The following RASAL3 variants were observed in gnomAD, a reference collection of about 807,000 sequenced individuals.
RASAL3 encodes the protein RAS protein activator like-3.
RASAL3 carries 74 observed loss-of-function variants against 105.5 expected under a neutral mutation model. The ratio of observed to expected loss-of-function variants is 0.70; its 90% CI spans 0.58 to 0.85. RASAL3 has a LOEUF of 0.85. Among genes scored for constraint, RASAL3 ranks in the 40% least tolerant of loss-of-function variants. The pLI, the probability that RASAL3 is intolerant of heterozygous loss-of-function variation, is 0.00. For missense variants in RASAL3, 1,352 were observed against 1,392.0 expected (o/e 0.97, Z 0.46); for synonymous variants, 579 against 591.6 (o/e 0.98, Z 0.31).
At position 15,457,378 on chromosome 19, in the gene RASAL3, C is replaced by A. The variant is rs1453492582; in HGVS notation, c.1345G>T (p.Ala449Ser). ...TGCGCAGGCAGCGCGGGCTCCAGGG[C>A]CCCGCAGAGGCGCGCATAGTGGAAG... ...LTFHYARLCGALEPALPAQAK... is the reference protein window; with the variant it reads ...LTFHYARLCGSLEPALPAQAK... The change falls in exon 9 of 18, where the codon GCC becomes TCC. Residue 449 changes from alanine to serine, a missense_variant. Coordinates refer to ENST00000343625, the MANE Select transcript of RASAL3 (RefSeq NM_022904.3). This position sits in a 1 kb window ranked among gnomAD's most constrained non-coding sequence, Gnocchi z 8.6. The A allele has an allele frequency of 1.5e-5, 22 of 1,441,368 alleles. No individual in the cohort carries two copies. Among genetic ancestry groups the A allele is most frequent in the Admixed American group, 5.6e-5 (2 of 35,742 alleles). The allele number at this position is 1,441,368 out of a possible 1,614,324, so 89.3% of individuals were successfully genotyped here.
At position 15,454,742 on chromosome 19, in the gene RASAL3, A is replaced by C. The variant is rs1970266042; in HGVS notation, c.1873T>G (p.Leu625Val). ...CCGGGTGCTGGATGGTCTGGTGCCA[A>C]ACCAAAGAGGCTGGGTGCCAGGATG... is the stretch of plus-strand genomic sequence containing the variant. The part of the protein sequence containing the change: ...PAILAPSLFG[L>V]APDHPAPGPA... Residue 625 changes from leucine to valine, a missense_variant, in exon 12 of 18, where the codon TTG becomes GTG. Physicochemically the swap from Leu to Val is conservative, Grantham distance 32. Transcript: ENST00000343625. The C allele has an allele frequency of 3.7e-6, 6 of 1,609,160 alleles. No homozygotes were observed. The highest frequency in any genetic ancestry group is 5.1e-6 in the Non-Finnish European group (6 of 1,177,858).
In RASAL3 at chr19:15,461,522, C is replaced by A; in HGVS notation, c.414G>T (p.Gly138=). The change falls in exon 3 of 18, where the codon GGG becomes GGT. Residue 138 remains glycine (G), a synonymous_variant. Coordinates refer to ENST00000343625, the MANE Select transcript of RASAL3 (RefSeq NM_022904.3). Reference sequence around the variant, plus strand: ...GCTTCCCATCAAGCAGGGTGAAGCCCCCAATGTCCCAGACAGGCACGTTGG... The same window carrying A: ...GCTTCCCATCAAGCAGGGTGAAGCCACCAATGTCCCAGACAGGCACGTTGG... The part of the protein sequence containing the change: ...PTPNVPVWDI[G]GFTLLDGKLV... 6.5e-7 allele frequency: 1 copy of A among 1,543,422 alleles called. No individual in the cohort carries two copies. The highest frequency in any genetic ancestry group is 2.4e-5 in the East Asian group (1 of 41,246).
intron 16 of RASAL3, chr19:15,452,442 G>C (rs562302609): frequency 1.3e-4 from 77 of 596,846 alleles, no homozygotes; most frequent in African/African-American, 1.3e-3. Context: ...GCCTGGATGA[G>C]AGAATCTGCC....
At chr19:15,459,544 C>T (rs1970444264) in intron 6 of RASAL3, among the ~76,000 whole-genome samples, 1 of 151,830 alleles carries the variant, frequency 6.6e-6, no homozygotes, top group East Asian at 1.9e-4. Flanking sequence ...GCACCCAGCC[C>T]TATTTATTTT....
chr19:15,463,793 GT>G (rs529372033), intron 2 of RASAL3, among the ~76,000 whole-genome samples: 173 of 152,238 alleles, frequency 1.1e-3, no homozygotes, highest in Middle Eastern at 3.4e-3. Flanking sequence ...ACTATCACGG[GT>G]TTACATTCAC....
chr19:15,452,223 C>A, intron 16 of RASAL3, 115 bp from the exon 17 acceptor site: 2 of 1,008,346 alleles, frequency 2.0e-6, no homozygotes, highest in Non-Finnish European at 1.6e-6. Context: ...CGGAGCTTGT[C>A]CAGACTGAGG....
intron 8 of RASAL3, 174 bp downstream of exon 8, chr19:15,458,154 T>C (rs1408008039): frequency 1.5e-6 from 1 of 665,464 alleles, no homozygotes; most frequent in Non-Finnish European, 2.6e-6. Context: ...GGGTCTGATA[T>C]TCCCGGGGCT....
chr19:15,454,061 C>A (rs1970240113), intron 14 of RASAL3, 88 bp downstream of exon 14: 13 of 970,360 alleles, frequency 1.3e-5, no homozygotes, highest in Admixed American at 2.5e-5. Context: ...CCTCTGCTCA[C>A]AATGATCCAA....
In RASAL3 at chr19:15,461,045, C is replaced by T. The variant is rs765403318; in HGVS notation, c.606+15G>A. On this transcript the variant is annotated intron_variant, in intron 5 of 17. Transcript: ENST00000343625. ...GGCTCTCCCCTCTACCTCCCACCTT[C>T]ACTGGCTGCCTTACCCGAACGTTGT... The T allele has an allele frequency of 6.2e-7, 1 of 1,613,406 alleles. No homozygotes were observed. Among genetic ancestry groups the T allele is most frequent in the South Asian group, 1.1e-5 (1 of 90,946 alleles).
Position 15,461,709 on chromosome 19 carries a change from C to T in RASAL3, c.329-102G>A. ...CTCATGGTGGGTTCCCTCCTAGGTG[C>T]CCCCCACCCCAGCAGCCGTATCAGA... is the stretch of plus-strand genomic sequence containing the variant. On this transcript the variant is annotated intron_variant, in intron 2 of 17. Transcript: ENST00000343625. The T allele has an allele frequency of 5.0e-6, 7 of 1,401,742 alleles. No individual in the cohort carries two copies. The South Asian group carries it at 5.0e-5, about 10-fold the overall frequency. 86.8% of individuals were successfully genotyped at this position (1,401,742 alleles called of 1,614,324 possible). A position where few individuals can be genotyped will look rare whatever the true frequency, so the allele number is the denominator to read the frequency against.
rs1970497621 is a variant in RASAL3 at position 15,461,202 on chromosome 19, C to T, written c.544+16G>A. 1 of 1,613,766 alleles carries T rather than the reference C, an allele frequency of 6.2e-7. No homozygotes were observed. The highest frequency in any genetic ancestry group is 2.2e-5 in the East Asian group (1 of 44,882). Reference sequence around the variant, plus strand: ...GCCTCCCAAATGCCCCAGGCCTTTCCACCCCTCAAGCTTACCTGGATCCCT... The same window carrying T: ...GCCTCCCAAATGCCCCAGGCCTTTCTACCCCTCAAGCTTACCTGGATCCCT... On this transcript the variant is annotated intron_variant, in intron 4 of 17. Transcript: ENST00000343625.
In RASAL3 at chr19:15,457,920, A is replaced by C; in HGVS notation, c.889-86T>G. 1 of 1,455,726 alleles carries C rather than the reference A, an allele frequency of 6.9e-7. No individual in the cohort carries two copies. Among genetic ancestry groups the C allele is most frequent in the Non-Finnish European group, 9.3e-7 (1 of 1,072,524 alleles). 90.2% of individuals were successfully genotyped at this position (1,455,726 alleles called of 1,614,324 possible). On this transcript the variant is annotated intron_variant, in intron 8 of 17. Transcript: ENST00000343625. This position sits in a 1 kb window ranked among gnomAD's most constrained non-coding sequence, Gnocchi z 8.6. ...CCGCAAGTGAAGCGTGGAGCCTCAA[A>C]CCTGTTGCGTCGGGTCCCTAGGGAG...
rs1298691412 is a variant in RASAL3 at position 15,453,228 on chromosome 19, G to A, written c.2549C>T (p.Ala850Val). 3.8e-6 allele frequency: 6 copies of A among 1,599,904 alleles called. No homozygotes were observed. Among genetic ancestry groups the A allele is most frequent in the Middle Eastern group, 3.3e-4 (2 of 5,982 alleles). The change falls in exon 15 of 18, where the codon GCC becomes GTC. Residue 850 changes from alanine to valine, a missense_variant. Coordinates refer to ENST00000343625, the MANE Select transcript of RASAL3 (RefSeq NM_022904.3). The surrounding 1 kb of genome is among the most constrained non-coding windows in gnomAD (Gnocchi z 4.2). ...GGCGGAGTCCCGGGTCCAAGGCCGGGCGCGGGGCGCTGGTCCCATGCTCAG... is the reference window on the plus strand; with the variant it reads ...GGCGGAGTCCCGGGTCCAAGGCCGGACGCGGGGCGCTGGTCCCATGCTCAG... The part of the protein sequence containing the change: ...GSLSMGPAPR[A>V]RPWTRDSASL...
chr19:15,457,813 T>C lies in RASAL3; in HGVS notation c.910A>G (p.Thr304Ala). Reference protein sequence around the residue: ...PTQDNVEREETWLSVWVHEAK... With the variant: ...PTQDNVEREEAWLSVWVHEAK... ...TCGTGCACCCACACGCTCAGCCATG[T>C]CTCTTCCCGCTCCACGTTGTCCTGC... Residue 304 changes from threonine (T) to alanine (A), a missense_variant, in exon 9 of 18, where the codon ACA becomes GCA. This residue lies in a region of RASAL3 where 88 missense variants were observed against 132.7 expected (regional missense o/e 0.66). Coordinates refer to ENST00000343625, the MANE Select transcript of RASAL3 (RefSeq NM_022904.3). The surrounding 1 kb of genome is among the most constrained non-coding windows in gnomAD (Gnocchi z 8.6). The C allele has an allele frequency of 6.5e-7, 1 of 1,548,772 alleles. No individual in the cohort carries two copies. The highest frequency in any genetic ancestry group is 8.7e-7 in the Non-Finnish European group (1 of 1,146,892).
At chr19:15,452,546 G>A in intron 16 of RASAL3, 112 bp downstream of exon 16, 2 of 973,988 alleles carry the variant, frequency 2.1e-6, no homozygotes, top group Non-Finnish European at 2.9e-6. Flanking sequence ...GCGGGGCCAG[G>A]GTGGGGCTTG....
At chr19:15,462,584 C>T (rs1162660996) in intron 2 of RASAL3, among the ~76,000 whole-genome samples, 1 of 152,170 alleles carries the variant, frequency 6.6e-6, no homozygotes, top group East Asian at 1.9e-4. Flanking sequence ...TCCCAGATTG[C>T]CTGTCTGTTC....
chr19:15,462,360 C>A (rs562826711), intron 2 of RASAL3, among the ~76,000 whole-genome samples: 2 of 152,228 alleles, frequency 1.3e-5, no homozygotes, highest in Admixed American at 1.3e-4. Context: ...GTGGCACATG[C>A]CTGTAATCCC....
chr19:15,462,070 G>A (rs1200195917), intron 2 of RASAL3, among the ~76,000 whole-genome samples: 1 of 152,086 alleles, frequency 6.6e-6, no homozygotes. Context: ...AACAGGACAG[G>A]GGCTGGGCAA....
chr19:15,458,257 G>T, intron 8 of RASAL3, 71 bp downstream of exon 8: 1 of 1,444,764 alleles, frequency 6.9e-7, no homozygotes, highest in South Asian at 1.2e-5. Flanking sequence ...AGCTGGCTTT[G>T]GGTAGAGTGG....
Sources: allele counts gnomAD v4.1 joint callset (sites outside exome capture counted in the v4.1 genomes callset), GRCh38; gene constraint gnomAD v4.1.1; regional missense constraint gnomAD v4.1.1; non-coding constraint Gnocchi (gnomAD v3.1); transcripts MANE v1.5; gene names NCBI Gene and HGNC (gene_info 2026-07-23, HGNC 2026-07-21).